LYN: variants seen among roughly 807,000 people sequenced by gnomAD.
LYN encodes LYN proto-oncogene, Src family tyrosine kinase.
LYN carries 12 observed loss-of-function variants against 65.0 expected under a neutral mutation model. The ratio of observed to expected loss-of-function variants is 0.18; its 90% CI spans 0.12 to 0.30. The LOEUF (loss-of-function observed/expected upper bound fraction) is 0.30, where lower values mean the gene tolerates loss of function less well. Among genes scored for constraint, LYN ranks in the 10% least tolerant of loss-of-function variants. The pLI is 1.00. For missense variants in LYN, 380 were observed against 623.2 expected (o/e 0.61, Z 4.16); for synonymous variants, 222 against 221.2 (o/e 1.00, Z -0.03).
chr8:55,950,916 C>A, intron 6 of LYN, 132 bp downstream of exon 6: 2 of 655,302 alleles, frequency 3.1e-6, no homozygotes, highest in South Asian at 1.9e-5. Context: ...GGTTTGATAA[C>A]AAATAACAAA....
At chr8:55,919,478 G>A (rs1805882106) in intron 1 of LYN, among the ~76,000 whole-genome samples, 1 of 152,194 alleles carries the variant, frequency 6.6e-6, no homozygotes, top group African/African-American at 2.4e-5. Context: ...CTGTCAGGGT[G>A]ATTTAGAAAT....
intron 10 of LYN, among the ~76,000 whole-genome samples, chr8:55,982,375 T>C (rs1807951418): frequency 6.6e-6 from 1 of 152,196 alleles, no homozygotes; most frequent in Non-Finnish European, 1.5e-5. Context: ...TTCAAAAAGT[T>C]TTGAATCTTG....
intron 1 of LYN, among the ~76,000 whole-genome samples, chr8:55,914,120 G>A (rs1199208394): frequency 4.6e-5 from 7 of 151,972 alleles, no homozygotes; most frequent in Admixed American, 2.0e-4. Context: ...GTGTGTGCAC[G>A]TATGACAGAG....
chr8:55,912,771 AT>A (rs1183273537), intron 1 of LYN, among the ~76,000 whole-genome samples: 2 of 151,774 alleles, frequency 1.3e-5, no homozygotes, highest in Non-Finnish European at 2.9e-5. Flanking sequence ...AAATTCCTTC[AT>A]TATAAGGAAA....
chr8:55,910,046 G>A lies in LYN; in HGVS notation c.-6+29943G>A, dbSNP rs187893995. Among the ~76,000 whole-genome samples the A allele has an allele frequency of 1.4e-4, 20 of 146,506 alleles. No homozygotes were observed. The East Asian group carries it at 1.4e-3, about 10-fold the overall frequency. On this transcript the variant is annotated intron_variant, in intron 1 of 12. Coordinates refer to ENST00000519728, the MANE Select transcript of LYN (RefSeq NM_002350.4). ...AGTTTCTTGTAAATTCTGCATATTAGTCCTCTGTCGAAGGCATAGTTTGCA... is the reference window on the plus strand; with the variant it reads ...AGTTTCTTGTAAATTCTGCATATTAATCCTCTGTCGAAGGCATAGTTTGCA...
At chr8:56,008,034 G>A (rs865830158) in intron 12 of LYN, among the ~76,000 whole-genome samples, 67 of 151,458 alleles carry the variant, frequency 4.4e-4, no homozygotes, top group African/African-American at 1.5e-3. Flanking sequence ...CAGGAGAATC[G>A]CTTGAACCTG....
intron 12 of LYN, among the ~76,000 whole-genome samples, chr8:56,000,787 AT>A (rs1401144058): frequency 2.3e-4 from 34 of 150,580 alleles, no homozygotes; most frequent in African/African-American, 8.0e-4. Flanking sequence ...TCATATTTTC[AT>A]TTATGTTTGA....
intron 1 of LYN, among the ~76,000 whole-genome samples, chr8:55,908,989 G>GTGTATATATATATATATATATATATATA (rs1379592685): frequency 2.0e-4 from 4 of 20,388 alleles, no homozygotes; most frequent in African/African-American, 5.7e-4. Context: ...CATTGTGTAT[G>GTGTATATATATATATATATATATATATA]TATATATATA....
chr8:55,967,306 A>ATTTT (rs35631616), intron 9 of LYN, among the ~76,000 whole-genome samples: 6 of 95,144 alleles, frequency 6.3e-5, no homozygotes, highest in African/African-American at 1.3e-4. Flanking sequence ...TTCCTCTTTC[A>ATTTT]TTTTTTTTTT....
intron 1 of LYN, among the ~76,000 whole-genome samples, chr8:55,914,254 G>C (rs1349883816): frequency 6.6e-6 from 1 of 152,004 alleles, no homozygotes; most frequent in Non-Finnish European, 1.5e-5. Context: ...GTGGAGAAGA[G>C]ATTGAGGACT....
intron 1 of LYN, among the ~76,000 whole-genome samples, chr8:55,888,940 G>A (rs553130162): frequency 1.4e-4 from 21 of 152,248 alleles, no homozygotes; most frequent in Non-Finnish European, 2.2e-4. Flanking sequence ...GAACCACACT[G>A]GCTTTTTGTA....
intron 6 of LYN, 52 bp from the exon 7 acceptor site, chr8:55,951,914 G>A (rs1454543046): frequency 1.4e-6 from 2 of 1,478,818 alleles, no homozygotes; most frequent in Admixed American, 3.9e-5. Context: ...GTTGTATAAT[G>A]CAGATCTTAT....
At chr8:55,901,862 G>C (rs1027989) in intron 1 of LYN, among the ~76,000 whole-genome samples, 137,814 of 152,192 alleles carry the variant, frequency 0.91, 62,418 homozygotes, top group East Asian at 0.98. Flanking sequence ...GAACCTAAAT[G>C]AAAAATGACT....
intron 1 of LYN, among the ~76,000 whole-genome samples, chr8:55,928,958 T>C (rs1806188180): frequency 1.3e-5 from 2 of 152,214 alleles, no homozygotes; most frequent in Admixed American, 6.5e-5. Context: ...GTAATAGATG[T>C]AAGATCCGGG....
intron 3 of LYN, among the ~76,000 whole-genome samples, chr8:55,947,282 T>C (rs1392145156): frequency 6.6e-6 from 1 of 152,244 alleles, no homozygotes; most frequent in African/African-American, 2.4e-5. Flanking sequence ...ACATGATGTT[T>C]ATCCATTCCT....
rs1323165988 is a variant in LYN, at chr8:55,946,477, G to A, written c.162G>A (p.Gln54=). The A allele has an allele frequency of 2.5e-6, 4 of 1,610,250 alleles. No individual in the cohort carries two copies. The highest frequency in any genetic ancestry group is 2.5e-6 in the Non-Finnish European group (3 of 1,177,416). ...PVPESQLLPG[Q]RFQTKDPEEQ... is the part of the protein sequence containing the mutation. ...CAGAATCTCAGCTTTTACCTGGACA[G>A]AGGTTTCAAACTAAAGGTATGTTTT... is the stretch of plus-strand genomic sequence containing the variant. Residue 54 remains glutamine, a synonymous_variant, in exon 3 of 13, where the codon CAG becomes CAA. Coordinates refer to ENST00000519728, the MANE Select transcript of LYN (RefSeq NM_002350.4).
chr8:55,945,633 G>T (rs927257546), intron 2 of LYN, among the ~76,000 whole-genome samples: 1 of 152,212 alleles, frequency 6.6e-6, no homozygotes, highest in African/African-American at 2.4e-5. Context: ...AGGCCCAGAG[G>T]CCTCACACAG....
At chr8:55,922,429 G>A (rs1039909350) in intron 1 of LYN, among the ~76,000 whole-genome samples, 15 of 151,578 alleles carry the variant, frequency 9.9e-5, no homozygotes, top group Non-Finnish European at 1.6e-4. Flanking sequence ...GTGTGCCAGT[G>A]TATTAATTTA....
chr8:55,953,877 G>A lies in LYN; in HGVS notation c.683G>A (p.Ser228Asn). 1.2e-6 allele frequency: 2 copies of A among 1,614,014 alleles called. No homozygotes were observed. Among genetic ancestry groups the A allele is most frequent in the Non-Finnish European group, 1.7e-6 (2 of 1,179,936 alleles). Residue 228 changes from serine to asparagine, a missense_variant, in exon 8 of 13, where the codon AGT becomes AAT. This residue lies in a region of LYN where 223 missense variants were observed against 430.0 expected (regional missense o/e 0.52). Transcript: ENST00000519728. ...AGAAGATTGGAGAAGGCTTGTATTAGTCCCAAGCCACAGAAGCCATGGGAT... is the reference window on the plus strand; with the variant it reads ...AGAAGATTGGAGAAGGCTTGTATTAATCCCAAGCCACAGAAGCCATGGGAT... ...LCRRLEKACI[S>N]PKPQKPWDKD... is the part of the protein sequence containing the mutation.
Sources: gnomAD v4.1 joint callset for allele counts (sites outside exome capture counted in the v4.1 genomes callset) on GRCh38, gnomAD v4.1.1 for gene constraint, gnomAD v4.1.1 regional missense constraint, MANE v1.5 for transcripts, NCBI Gene and HGNC (gene_info 2026-07-23, HGNC 2026-07-21) for gene names.